Variants in ARK2C observed in about 807,000 individuals in gnomAD.
The protein encoded by ARK2C is E3 ubiquitin-protein ligase ARK2C.
chr18:46,442,751 G>T, the ARK2C span, among the ~76,000 whole-genome samples: 1 of 151,878 alleles, frequency 6.6e-6, no homozygotes, highest in African/African-American at 2.4e-5. Flanking sequence ...AAGGAGGGTG[G>T]ATGTCTAGAA....
chr18:46,368,390 AC>A, the ARK2C span, among the ~76,000 whole-genome samples: 1 of 152,084 alleles, frequency 6.6e-6, no homozygotes, highest in Non-Finnish European at 1.5e-5. Context: ...AACCCCCAGA[AC>A]CACTGGGTGG....
At chr18:46,450,626 A>G in the ARK2C span, 1 of 1,173,692 alleles carries the variant, frequency 8.5e-7, no homozygotes, top group Non-Finnish European at 1.3e-6. Flanking sequence ...CATGTCTTCC[A>G]GCTCCCAATC....
chr18:46,401,431 C>T, the ARK2C span, among the ~76,000 whole-genome samples: 4 of 152,184 alleles, frequency 2.6e-5, no homozygotes, highest in African/African-American at 9.7e-5. Context: ...ATGGAGGTTC[C>T]TTGTATTTAA....
chr18:46,336,875 C>T, the ARK2C span: 24 of 985,366 alleles, frequency 2.4e-5, no homozygotes, highest in African/African-American at 4.2e-4. Context: ...AAATGTTAAA[C>T]ATATGTATTA....
the ARK2C span, among the ~76,000 whole-genome samples, chr18:46,378,038 G>T: frequency 6.6e-6 from 1 of 152,138 alleles, no homozygotes; most frequent in Non-Finnish European, 1.5e-5. Flanking sequence ...AGGGGTCTTG[G>T]CAACTGCTGA....
At chr18:46,407,289 G>C in the ARK2C span, among the ~76,000 whole-genome samples, 1 of 152,172 alleles carries the variant, frequency 6.6e-6, no homozygotes, top group East Asian at 1.9e-4. Context: ...CAGTCTTTTG[G>C]GGTAAGATTC....
At chr18:46,368,733 G>A in the ARK2C span, among the ~76,000 whole-genome samples, 1 of 152,242 alleles carries the variant, frequency 6.6e-6, no homozygotes, top group East Asian at 1.9e-4. Flanking sequence ...GTCAGGGTTA[G>A]AGCAAGAATG....
At chr18:46,354,661 A>G in the ARK2C span, among the ~76,000 whole-genome samples, 1 of 152,194 alleles carries the variant, frequency 6.6e-6, no homozygotes, top group Admixed American at 6.5e-5. Flanking sequence ...GCGCTTTCAC[A>G]TTTCACATCT....
the ARK2C span, among the ~76,000 whole-genome samples, chr18:46,382,917 T>C: frequency 6.6e-6 from 1 of 152,248 alleles, no homozygotes; most frequent in Non-Finnish European, 1.5e-5. Flanking sequence ...CATGAGCTCA[T>C]GTAGTCCCAT....
the ARK2C span, among the ~76,000 whole-genome samples, chr18:46,351,629 A>C: frequency 1.1e-4 from 16 of 152,268 alleles, no homozygotes; most frequent in Admixed American, 6.5e-4. Context: ...CAGGGGCTTT[A>C]TAGGCATCAT....
the ARK2C span, among the ~76,000 whole-genome samples, chr18:46,362,256 G>C: frequency 6.6e-6 from 1 of 152,176 alleles, no homozygotes; most frequent in Admixed American, 6.5e-5. Context: ...GGGGAGGCAG[G>C]GTTTTCCTTC....
the ARK2C span, among the ~76,000 whole-genome samples, chr18:46,372,465 G>C: frequency 2.0e-5 from 3 of 152,196 alleles, no homozygotes; most frequent in Non-Finnish European, 2.9e-5. Context: ...GACATAAAGG[G>C]CATCATTGTC....
the ARK2C span, among the ~76,000 whole-genome samples, chr18:46,388,494 C>T: frequency 2.6e-5 from 4 of 152,148 alleles, no homozygotes; most frequent in Non-Finnish European, 5.9e-5. Context: ...AGCAGGAGAT[C>T]GGGCAGCAAG....
At chr18:46,408,787 G>A in the ARK2C span, among the ~76,000 whole-genome samples, 121 of 152,218 alleles carry the variant, frequency 7.9e-4, no homozygotes, top group Non-Finnish European at 1.1e-3. Context: ...TGGAACAGAT[G>A]GTTGTGAATG....
chr18:46,456,960 G>C, the ARK2C span: 1 of 361,936 alleles, frequency 2.8e-6, no homozygotes, highest in Admixed American at 3.9e-5. Context: ...GCTGACAGAC[G>C]GGCCCCTCAA....
the ARK2C span, chr18:46,447,459 G>A: frequency 8.0e-7 from 1 of 1,249,936 alleles, no homozygotes; most frequent in South Asian, 1.3e-5. Flanking sequence ...AGCTCTGGCA[G>A]GGTGTCACTC....
chr18:46,363,945 C>CTTTTTTTTTTTTTTTTTTTTTCTTTTT, the ARK2C span, among the ~76,000 whole-genome samples: 1 of 125,578 alleles, frequency 8.0e-6, no homozygotes, highest in Non-Finnish European at 1.7e-5. Context: ...TTTTTCTTTT[C>CTTTTTTTTTTTTTTTTTTTTTCTTTTT]TTTTTTTTTT....
At chr18:46,355,425 C>G in the ARK2C span, among the ~76,000 whole-genome samples, 1 of 152,164 alleles carries the variant, frequency 6.6e-6, no homozygotes, top group Non-Finnish European at 1.5e-5. Flanking sequence ...CTGCCTCATT[C>G]TCTAGGCTCT....
the ARK2C span, among the ~76,000 whole-genome samples, chr18:46,414,388 A>G: frequency 1.3e-5 from 2 of 152,250 alleles, no homozygotes; most frequent in African/African-American, 4.8e-5. Context: ...GACTAACCCC[A>G]GCAGGCCATG....
Sources: gnomAD v4.1 joint callset for allele counts (sites outside exome capture counted in the v4.1 genomes callset) on GRCh38, gnomAD v4.1.1 for gene constraint, MANE v1.5 for transcripts, NCBI Gene and HGNC (gene_info 2026-07-23, HGNC 2026-07-21) for gene names.